TBX20: variants seen among roughly 807,000 people sequenced by gnomAD.
The protein encoded by TBX20 is T-box transcription factor TBX20.
In TBX20, 8 loss-of-function variants were observed where a neutral mutation model predicts 42.9. The ratio of observed to expected loss-of-function variants is 0.19; its 90% CI spans 0.11 to 0.34. The LOEUF (loss-of-function observed/expected upper bound fraction) is 0.34, where lower values mean the gene tolerates loss of function less well. TBX20 is among the 10% of genes least tolerant of loss of function. The probability of loss-of-function intolerance (pLI) is 1.00; values close to 1 mark genes in which losing one functional copy is unlikely to be tolerated. For missense variants in TBX20, 411 were observed against 566.0 expected (o/e 0.73, Z 2.78); for synonymous variants, 198 against 222.8 (o/e 0.89, Z 0.99).
intron 6 of TBX20, among the ~76,000 whole-genome samples, chr7:35,205,628 T>A (rs962462866): frequency 9.9e-5 from 15 of 152,232 alleles, no homozygotes; most frequent in African/African-American, 3.1e-4. Context: ...TTCACATAAA[T>A]ATGCAAACTT....
chr7:35,250,378 C>T (rs1200612916), intron 1 of TBX20, among the ~76,000 whole-genome samples, 175 bp from the exon 2 acceptor site: 1 of 152,184 alleles, frequency 6.6e-6, no homozygotes, highest in East Asian at 1.9e-4. Context: ...CCTGGGATTC[C>T]CACGGAGTAG....
chr7:35,228,241 T>C (rs1366637711), intron 6 of TBX20, among the ~76,000 whole-genome samples: 2 of 152,036 alleles, frequency 1.3e-5, no homozygotes, highest in Non-Finnish European at 2.9e-5. Context: ...AACTAATGCA[T>C]AGGATTAGTC....
At chr7:35,215,055 C>G (rs1789560994) in intron 6 of TBX20, among the ~76,000 whole-genome samples, 1 of 152,158 alleles carries the variant, frequency 6.6e-6, no homozygotes, top group Admixed American at 6.6e-5. Flanking sequence ...ATTTAAATAT[C>G]TTTCACATAA....
chr7:35,213,811 AG>A (rs977033479), intron 6 of TBX20, among the ~76,000 whole-genome samples: 101 of 144,344 alleles, frequency 7.0e-4, no homozygotes, highest in Admixed American at 2.4e-3. Flanking sequence ...TCTGCCTCAC[AG>A]GGCCACTCAT....
intron 3 of TBX20, among the ~76,000 whole-genome samples, chr7:35,247,715 A>G (rs1419689574): frequency 6.6e-6 from 1 of 152,142 alleles, no homozygotes; most frequent in African/African-American, 2.4e-5. Context: ...CAAACTTTCA[A>G]TCAATCACAA....
rs565029797 is a variant in TBX20, at chr7:35,234,506, G to A, written c.814-2926C>T. On this transcript the variant is annotated intron_variant, in intron 5 of 7. Coordinates refer to ENST00000408931, the MANE Select transcript of TBX20 (RefSeq NM_001077653.2). The stretch of plus-strand genomic sequence containing the variant: ...TCAACATGAGTTTTCAAATGTCTTC[G>A]AATTTTCTCTCATTATGAGAATTAT... Among the ~76,000 whole-genome samples the A allele has an allele frequency of 1.9e-4, 29 of 152,126 alleles. 1 individual carries two copies. In the South Asian group the frequency reaches 3.5e-3, roughly 19 times the overall value.
chr7:35,206,271 G>T (rs1789397358), intron 6 of TBX20, among the ~76,000 whole-genome samples: 1 of 152,248 alleles, frequency 6.6e-6, no homozygotes, highest in South Asian at 2.1e-4. Context: ...GCCGGAGCCG[G>T]GGCCGGTGGC....
intron 4 of TBX20, 92 bp downstream of exon 4, chr7:35,244,857 G>C: frequency 2.3e-6 from 2 of 861,578 alleles, no homozygotes; most frequent in East Asian, 5.0e-5. Flanking sequence ...AAGGGGATAG[G>C]GAAGGCAGGA....
At chr7:35,234,034 C>T (rs1306095147) in intron 5 of TBX20, among the ~76,000 whole-genome samples, 1 of 152,142 alleles carries the variant, frequency 6.6e-6, no homozygotes, top group Non-Finnish European at 1.5e-5. Context: ...AAAGGTAAGG[C>T]TGCCTTTAAA....
chr7:35,235,903 C>T (rs1398387639), intron 5 of TBX20, among the ~76,000 whole-genome samples: 1 of 152,068 alleles, frequency 6.6e-6, no homozygotes, highest in Non-Finnish European at 1.5e-5. Context: ...GACCATTTCT[C>T]CAATTATCAG....
chr7:35,213,981 T>G (rs1039284536), intron 6 of TBX20, among the ~76,000 whole-genome samples: 1 of 146,700 alleles, frequency 6.8e-6, no homozygotes, highest in Admixed American at 6.9e-5. Context: ...AAGAAAAACA[T>G]GTAGTATGTT....
At chr7:35,224,780 ATG>A (rs1186905107) in intron 6 of TBX20, among the ~76,000 whole-genome samples, 2 of 152,224 alleles carry the variant, frequency 1.3e-5, no homozygotes, top group African/African-American at 4.8e-5. Context: ...ATATCAATAG[ATG>A]TTAAAAGAGC....
intron 6 of TBX20, among the ~76,000 whole-genome samples, chr7:35,213,598 G>A (rs1789532844): frequency 1.3e-5 from 2 of 152,120 alleles, no homozygotes; most frequent in Non-Finnish European, 2.9e-5. Context: ...TAATGAGTTG[G>A]TTAAAAAATA....
intron 6 of TBX20, among the ~76,000 whole-genome samples, chr7:35,211,477 T>C (rs1231215345): frequency 6.6e-6 from 1 of 152,188 alleles, no homozygotes; most frequent in Non-Finnish European, 1.5e-5. Context: ...CTTTTGTTTT[T>C]TTGAAAGATA....
At chr7:35,207,004 G>T (rs1322268935) in intron 6 of TBX20, among the ~76,000 whole-genome samples, 1 of 150,290 alleles carries the variant, frequency 6.7e-6, no homozygotes, top group Non-Finnish European at 1.5e-5. Flanking sequence ...TTAACAAATG[G>T]ACATATACTT....
intron 6 of TBX20, among the ~76,000 whole-genome samples, chr7:35,222,276 TTGTC>T (rs747595532): frequency 1.1e-4 from 17 of 152,248 alleles, no homozygotes; most frequent in Non-Finnish European, 2.2e-4. Context: ...ATATAGCCCA[TTGTC>T]TGACACATGG....
At chr7:35,203,115 G>T (rs1351307345) in intron 7 of TBX20, among the ~76,000 whole-genome samples, 1 of 152,154 alleles carries the variant, frequency 6.6e-6, no homozygotes, top group Non-Finnish European at 1.5e-5. Flanking sequence ...TCTGACCTCT[G>T]TAGTGTCCTA....
At chr7:35,208,344 C>T (rs540731117) in intron 6 of TBX20, among the ~76,000 whole-genome samples, 1 of 152,238 alleles carries the variant, frequency 6.6e-6, no homozygotes, top group East Asian at 1.9e-4. Context: ...TTCACGATGC[C>T]TGTACACAAA....
At chr7:35,206,401 AG>A (rs1259011929) in intron 6 of TBX20, among the ~76,000 whole-genome samples, 24 of 152,266 alleles carry the variant, frequency 1.6e-4, no homozygotes, top group Admixed American at 1.6e-3. Context: ...TACAAAAATC[AG>A]CCAGGCATGG....
Sources: allele counts gnomAD v4.1 joint callset (sites outside exome capture counted in the v4.1 genomes callset), GRCh38; gene constraint gnomAD v4.1.1; transcripts MANE v1.5; gene names NCBI Gene and HGNC (gene_info 2026-07-23, HGNC 2026-07-21).